Variants in SAMD4A observed in about 807,000 individuals in gnomAD.
SAMD4A encodes the protein sterile alpha motif domain containing 4A, also known as protein Smaug homolog 1.
Under a neutral mutation model 81.3 loss-of-function variants are expected in SAMD4A, and 33 were observed. That is an observed-to-expected ratio of 0.41 (90% CI 0.31 to 0.54). The LOEUF (loss-of-function observed/expected upper bound fraction) is 0.54, where lower values mean the gene tolerates loss of function less well. Ranked by LOEUF, SAMD4A falls within the 20% of genes least tolerant of loss-of-function variation. The probability of loss-of-function intolerance (pLI) is 0.37; values close to 1 mark genes in which losing one functional copy is unlikely to be tolerated. For synonymous variants in SAMD4A, 389 were observed against 382.1 expected, an observed-to-expected ratio of 1.02 and a Z score of -0.21; for missense variants, 854 against 951.1, an observed-to-expected ratio of 0.90 and a Z score of 1.34.
chr14:54,710,991 TC>T (rs1482797068), intron 3 of SAMD4A, among the ~76,000 whole-genome samples: 4 of 152,182 alleles, frequency 2.6e-5, no homozygotes, highest in Non-Finnish European at 4.4e-5. Context: ...AGATGTGGCC[TC>T]TGAATCATCC....
intron 2 of SAMD4A, among the ~76,000 whole-genome samples, chr14:54,675,671 C>T (rs966623130): frequency 1.3e-5 from 2 of 152,176 alleles, no homozygotes; most frequent in African/African-American, 4.8e-5. Flanking sequence ...TAAGTTTTAT[C>T]GAGTTTCACC....
At chr14:54,656,853 C>T (rs1027280551) in intron 2 of SAMD4A, among the ~76,000 whole-genome samples, 8 of 152,074 alleles carry the variant, frequency 5.3e-5, no homozygotes, top group Admixed American at 2.0e-4. Flanking sequence ...GTGATCCACC[C>T]GCTTTGGCCT....
intron 2 of SAMD4A, among the ~76,000 whole-genome samples, chr14:54,596,456 G>T (rs557533570): frequency 6.6e-6 from 1 of 152,110 alleles, no homozygotes; most frequent in Non-Finnish European, 1.5e-5. Flanking sequence ...ATGGTGGTGC[G>T]TGCCTGTAAT....
chr14:54,597,584 C>CTTTTTTT (rs71127662), intron 2 of SAMD4A, among the ~76,000 whole-genome samples: 24 of 90,852 alleles, frequency 2.6e-4, no homozygotes, highest in East Asian at 8.3e-4. Context: ...TTCCTTCTAT[C>CTTTTTTT]TTTTTTTTTT....
chr14:54,784,507 G>A, intron 11 of SAMD4A, 30 bp from the exon 12 acceptor site: 2 of 1,613,762 alleles, frequency 1.2e-6, no homozygotes, highest in Non-Finnish European at 1.7e-6. Context: ...TCTCCTCCTT[G>A]TCACCAACAT....
At chr14:54,703,723 G>A (rs2036779272) in intron 3 of SAMD4A, 1 of 152,120 alleles carries the variant, frequency 6.6e-6, no homozygotes, top group Admixed American at 6.6e-5. Context: ...ACAAAAATTA[G>A]CCGGACATGG....
intron 2 of SAMD4A, among the ~76,000 whole-genome samples, chr14:54,576,001 C>CTTTTTCTTTTTTTTTT (rs2033280810): frequency 1.2e-5 from 1 of 80,026 alleles, no homozygotes; most frequent in East Asian, 5.0e-4. Context: ...TTCTTTCTTT[C>CTTTTTCTTTTTTTTTT]TTTTTTTTTT....
intron 2 of SAMD4A, among the ~76,000 whole-genome samples, chr14:54,581,798 A>G (rs2033476989): frequency 6.6e-6 from 1 of 152,262 alleles, no homozygotes; most frequent in Non-Finnish European, 1.5e-5. Context: ...CTAGATAAAA[A>G]TTACTAAACT....
upstream of SAMD4A, among the ~76,000 whole-genome samples, chr14:54,566,026 C>T (rs893386745): frequency 5.9e-5 from 9 of 152,122 alleles, no homozygotes; most frequent in Admixed American, 3.3e-4. Context: ...CCTCTCCCCC[C>T]GCTCGGGCGC....
At chr14:54,688,674 A>G (rs1045679501) in intron 2 of SAMD4A, among the ~76,000 whole-genome samples, 2 of 152,176 alleles carry the variant, frequency 1.3e-5, no homozygotes, top group Non-Finnish European at 2.9e-5. Context: ...TGACTTAAAA[A>G]AAAATCCAAC....
At chr14:54,604,411 A>T (rs538099672) in intron 2 of SAMD4A, among the ~76,000 whole-genome samples, 1 of 152,354 alleles carries the variant, frequency 6.6e-6, no homozygotes, top group Admixed American at 6.5e-5. Flanking sequence ...ATCAAGAAAG[A>T]AAGGAAGAAC....
intron 2 of SAMD4A, among the ~76,000 whole-genome samples, chr14:54,603,543 C>T (rs1022783071): frequency 6.6e-6 from 1 of 152,138 alleles, no homozygotes; most frequent in Non-Finnish European, 1.5e-5. Context: ...CCACCATGCC[C>T]GTTAGCCTGT....
At chr14:54,584,868 G>A (rs1401930260) in intron 2 of SAMD4A, among the ~76,000 whole-genome samples, 6 of 152,060 alleles carry the variant, frequency 3.9e-5, no homozygotes, top group Admixed American at 3.9e-4. Context: ...TTATCAAATT[G>A]TCCAAATCAG....
intron 2 of SAMD4A, chr14:54,694,293 A>G (rs1057279366): frequency 6.6e-6 from 1 of 152,646 alleles, no homozygotes; most frequent in Non-Finnish European, 1.5e-5. Flanking sequence ...ATGCAGAAAC[A>G]TGGTGAGGGG....
At chr14:54,773,898 C>T (rs1348733649) in intron 9 of SAMD4A, among the ~76,000 whole-genome samples, 1 of 152,256 alleles carries the variant, frequency 6.6e-6, no homozygotes, top group Non-Finnish European at 1.5e-5. Flanking sequence ...TGGATGAGGA[C>T]AGACATGGAG....
At chr14:54,735,116 T>C (rs2037658415) in intron 3 of SAMD4A, 1 of 152,212 alleles carries the variant, frequency 6.6e-6, no homozygotes, top group African/African-American at 2.4e-5. Flanking sequence ...GTCTGCCCAA[T>C]TTTATATAAA....
intron 12 of SAMD4A, among the ~76,000 whole-genome samples, chr14:54,785,546 A>C (rs920945071): frequency 2.5e-4 from 38 of 152,106 alleles, no homozygotes; most frequent in African/African-American, 9.2e-4. Context: ...CTCTTAGCCA[A>C]AAGGCCGAGA....
chr14:54,643,297 A>G (rs556538839), intron 2 of SAMD4A, among the ~76,000 whole-genome samples: 1 of 152,242 alleles, frequency 6.6e-6, no homozygotes, highest in Non-Finnish European at 1.5e-5. Context: ...CCTCATGATG[A>G]GCCTAACTCA....
intron 3 of SAMD4A, chr14:54,702,794 G>C (rs543377476): frequency 1.7e-6 from 1 of 581,248 alleles, no homozygotes; most frequent in African/African-American, 1.9e-5. Context: ...AGTGACTGAT[G>C]GTCCAAATTT....
Sources: gnomAD v4.1 joint callset for allele counts (sites outside exome capture counted in the v4.1 genomes callset) on GRCh38, gnomAD v4.1.1 for gene constraint, MANE v1.5 for transcripts, NCBI Gene and HGNC (gene_info 2026-07-23, HGNC 2026-07-21) for gene names.